The following PTPRN2 variants were observed in gnomAD, a reference collection of about 807,000 sequenced individuals.
The protein encoded by PTPRN2 is protein tyrosine phosphatase receptor type N2.
In PTPRN2, 74 loss-of-function variants were observed where a neutral mutation model predicts 118.8. That is an observed-to-expected ratio of 0.62 (90% CI 0.52 to 0.76). The LOEUF (loss-of-function observed/expected upper bound fraction) is 0.76, where lower values mean the gene tolerates loss of function less well. Among genes scored for constraint, PTPRN2 ranks in the 30% least tolerant of loss-of-function variants. The pLI is 0.00. For missense variants in PTPRN2, 1,481 were observed against 1,394.4 expected, an observed-to-expected ratio of 1.06 and a Z score of -0.99; for synonymous variants, 641 against 608.0, an observed-to-expected ratio of 1.05 and a Z score of -0.80.
intron 6 of PTPRN2, among the ~76,000 whole-genome samples, chr7:158,150,664 CA>C (rs928111649): frequency 6.6e-6 from 1 of 152,006 alleles, no homozygotes; most frequent in African/African-American, 2.4e-5. Context: ...GAACATAACC[CA>C]GGGGGGTCAC....
chr7:158,354,109 C>T (rs1808210556), intron 2 of PTPRN2, among the ~76,000 whole-genome samples: 1 of 152,224 alleles, frequency 6.6e-6, no homozygotes, highest in African/African-American at 2.4e-5. Context: ...ACAGGCAGCA[C>T]TTTCATCAGT....
intron 11 of PTPRN2, among the ~76,000 whole-genome samples, chr7:158,062,513 C>T (rs566659487): frequency 6.6e-6 from 1 of 152,318 alleles, no homozygotes; most frequent in South Asian, 2.1e-4. Context: ...CCATGGGAGC[C>T]CCTCTCTGGG....
chr7:158,511,139 G>A (rs549150095), intron 1 of PTPRN2, among the ~76,000 whole-genome samples: 1 of 152,330 alleles, frequency 6.6e-6, no homozygotes, highest in East Asian at 1.9e-4. Context: ...CTGCACCTCT[G>A]AGATAAGATG....
intron 2 of PTPRN2, among the ~76,000 whole-genome samples, chr7:158,331,743 G>C (rs1586304768): frequency 6.6e-6 from 1 of 150,920 alleles, no homozygotes; most frequent in African/African-American, 2.5e-5. Flanking sequence ...GACACCTGCA[G>C]ACGTCACTCA....
chr7:157,866,360 G>A (rs1810665927), intron 12 of PTPRN2, among the ~76,000 whole-genome samples: 1 of 151,970 alleles, frequency 6.6e-6, no homozygotes, highest in African/African-American at 2.4e-5. Flanking sequence ...ACATATATAA[G>A]CACACACATA....
In PTPRN2 at chr7:157,716,999, T is replaced by C. The variant is rs200067351; in HGVS notation, c.1789-34062A>G. 3.5e-4 allele frequency among the ~76,000 whole-genome samples: 36 copies of C among 102,394 alleles called. 3 individuals carry two copies. The highest frequency in any genetic ancestry group is 5.0e-4 in the Non-Finnish European group (26 of 51,716). The allele number at this position is 102,394 out of a possible 152,430, so 67.2% of individuals were successfully genotyped here. A position where few individuals can be genotyped will look rare whatever the true frequency, so the allele number is the denominator to read the frequency against. Reference sequence around the variant, plus strand: ...TCTGAGGGAACACTGCCTGGCCACGTAGACTCTGCGGGAACACTGCCTGGC... The same window carrying C: ...TCTGAGGGAACACTGCCTGGCCACGCAGACTCTGCGGGAACACTGCCTGGC... On this transcript the variant is annotated intron_variant, in intron 12 of 22. Coordinates refer to ENST00000389418, the MANE Select transcript of PTPRN2 (RefSeq NM_002847.5).
intron 12 of PTPRN2, among the ~76,000 whole-genome samples, chr7:157,850,746 G>A (rs1809215629): frequency 6.6e-6 from 1 of 152,202 alleles, no homozygotes. Context: ...TGCAGGCTGG[G>A]GCATGGAGGC....
intron 19 of PTPRN2, among the ~76,000 whole-genome samples, chr7:157,572,177 A>C (rs1799788461): frequency 6.6e-6 from 1 of 152,222 alleles, no homozygotes; most frequent in Non-Finnish European, 1.5e-5. Context: ...CTGATTTAAA[A>C]TTCACTGTGT....
At chr7:158,464,909 A>G (rs1819284597) in intron 2 of PTPRN2, among the ~76,000 whole-genome samples, 1 of 152,206 alleles carries the variant, frequency 6.6e-6, no homozygotes, top group South Asian at 2.1e-4. Context: ...TCTGTGCTAC[A>G]CCCTTATGCT....
chr7:158,006,867 C>G (rs527997372), intron 11 of PTPRN2, among the ~76,000 whole-genome samples: 1 of 152,184 alleles, frequency 6.6e-6, no homozygotes, highest in Non-Finnish European at 1.5e-5. Context: ...ATCATGCGGT[C>G]ATGACATTTT....
intron 12 of PTPRN2, among the ~76,000 whole-genome samples, chr7:157,796,463 C>T (rs762903463): frequency 4.1e-4 from 63 of 152,290 alleles, no homozygotes; most frequent in Middle Eastern, 3.4e-3. Context: ...GTTTACTGAA[C>T]GCCTGCCCAT....
rs1398230085 is a variant in PTPRN2, at chr7:157,950,765, C to T, written c.1724-52028G>A. ...GAGTGAAAGCGCCTTCTTTCCATAT[C>T]GGATGCTGGAAGCTGTGATGTTGGC... On this transcript the variant is annotated intron_variant, in intron 11 of 22. Coordinates refer to ENST00000389418, the MANE Select transcript of PTPRN2 (RefSeq NM_002847.5). 6.6e-5 allele frequency among the ~76,000 whole-genome samples: 10 copies of T among 152,184 alleles called. No individual in the cohort carries two copies. In the East Asian group the frequency reaches 9.7e-4, roughly 15 times the overall value.
At chr7:157,742,843 C>T (rs28533767) in intron 12 of PTPRN2, among the ~76,000 whole-genome samples, 31,565 of 152,174 alleles carry the variant, frequency 0.21, 3,557 homozygotes, top group East Asian at 0.43. Flanking sequence ...TTTCTTCTTC[C>T]TAATACCTTT....
chr7:158,391,813 G>A (rs534734591), intron 2 of PTPRN2, among the ~76,000 whole-genome samples: 20 of 152,318 alleles, frequency 1.3e-4, no homozygotes, highest in African/African-American at 4.3e-4. Flanking sequence ...GAAAGGAGCT[G>A]CACCCCCAGC....
At chr7:157,973,657 T>A (rs1364418810) in intron 11 of PTPRN2, among the ~76,000 whole-genome samples, 1 of 152,192 alleles carries the variant, frequency 6.6e-6, no homozygotes, top group Non-Finnish European at 1.5e-5. Context: ...TCTCCTTGAA[T>A]CAAAGCCCTA....
intron 16 of PTPRN2, among the ~76,000 whole-genome samples, chr7:157,597,183 G>T (rs895624674): frequency 2.6e-5 from 4 of 152,216 alleles, no homozygotes; most frequent in African/African-American, 9.6e-5. Flanking sequence ...CTAGCCGGGG[G>T]CTGGGGGGAA....
rs923762294 is a variant in PTPRN2, at chr7:158,558,217, C to T, written c.112+29341G>A. Among the ~76,000 whole-genome samples the T allele has an allele frequency of 3.3e-5, 5 of 152,184 alleles. No homozygotes were observed. In the East Asian group the frequency reaches 9.6e-4, roughly 29 times the overall value. ...CCCAGCCTGGTCTTGAACTCCTGGCCTCAAGCAATCCTCCCACCTCAGCCT... is the reference window on the plus strand; with the variant it reads ...CCCAGCCTGGTCTTGAACTCCTGGCTTCAAGCAATCCTCCCACCTCAGCCT... On this transcript the variant is annotated intron_variant, in intron 1 of 22. Transcript: ENST00000389418.
chr7:158,145,681 C>A (rs1819883897), intron 6 of PTPRN2, among the ~76,000 whole-genome samples: 1 of 152,224 alleles, frequency 6.6e-6, no homozygotes, highest in African/African-American at 2.4e-5. Context: ...GCTGCAGCTG[C>A]CTGCACACTT....
At position 157,914,601 on chromosome 7, in the gene PTPRN2, CT is replaced by C. The variant is rs566854789; in HGVS notation, c.1724-15865del. ...TAAAGTTGGCTCTCAATGTAGCTAC[CT>C]TTTTTTTTTTTAAATTAGTATTTCC... On this transcript the variant is annotated intron_variant, in intron 11 of 22. Coordinates refer to ENST00000389418, the MANE Select transcript of PTPRN2 (RefSeq NM_002847.5). Among the ~76,000 whole-genome samples the C allele has an allele frequency of 5.8e-3, 846 of 145,396 alleles. 7 individuals carry two copies. The highest frequency in any genetic ancestry group is 0.017 in the African/African-American group (675 of 40,102).
Sources: gnomAD v4.1 joint callset for allele counts (sites outside exome capture counted in the v4.1 genomes callset) on GRCh38, gnomAD v4.1.1 for gene constraint, MANE v1.5 for transcripts, NCBI Gene and HGNC (gene_info 2026-07-23, HGNC 2026-07-21) for gene names.